The following CAMTA1 variants were observed in gnomAD, a reference collection of about 807,000 sequenced individuals.
The protein encoded by CAMTA1 is calmodulin binding transcription activator 1.
In CAMTA1, 27 loss-of-function variants were observed where a neutral mutation model predicts 170.9. That is an observed-to-expected ratio of 0.16 (90% CI 0.12 to 0.22). The LOEUF is 0.22. Ranked by LOEUF, CAMTA1 falls within the 10% of genes least tolerant of loss-of-function variation. The pLI, the probability that CAMTA1 is intolerant of heterozygous loss-of-function variation, is 1.00. For synonymous variants in CAMTA1, 833 were observed against 891.5 expected (o/e 0.93, Z 1.17); for missense variants, 1,619 against 2,217.2 (o/e 0.73, Z 5.42).
chr1:7,619,532 G>A (rs1041901249), intron 6 of CAMTA1, among the ~76,000 whole-genome samples: 1 of 152,170 alleles, frequency 6.6e-6, no homozygotes, highest in African/African-American at 2.4e-5. Flanking sequence ...CCAGAATTGG[G>A]TCACATACCC....
chr1:7,498,081 G>C (rs140342393), intron 6 of CAMTA1, among the ~76,000 whole-genome samples: 326 of 152,236 alleles, frequency 2.1e-3, no homozygotes, highest in Admixed American at 4.7e-3. Flanking sequence ...GAAGGGGTGC[G>C]GGGAGCATCC....
At chr1:7,567,089 G>A (rs920969039) in intron 6 of CAMTA1, among the ~76,000 whole-genome samples, 3 of 152,202 alleles carry the variant, frequency 2.0e-5, no homozygotes, top group Admixed American at 6.5e-5. Flanking sequence ...CCTTGGGGAC[G>A]GGGACCTCAA....
chr1:6,923,617 T>C (rs1039670882), intron 3 of CAMTA1, among the ~76,000 whole-genome samples: 1 of 152,076 alleles, frequency 6.6e-6, no homozygotes, highest in Non-Finnish European at 1.5e-5. Context: ...GCTTCTGGTA[T>C]GCAGGAAGAG....
At chr1:7,488,355 A>G (rs912292413) in intron 6 of CAMTA1, among the ~76,000 whole-genome samples, 2 of 151,898 alleles carry the variant, frequency 1.3e-5, no homozygotes, top group Admixed American at 1.3e-4. Flanking sequence ...GGTGTCTGGC[A>G]CCCCACTGGC....
chr1:7,521,697 C>T (rs1363019816), intron 6 of CAMTA1, among the ~76,000 whole-genome samples: 1 of 152,114 alleles, frequency 6.6e-6, no homozygotes, highest in East Asian at 1.9e-4. Flanking sequence ...TATAGGCACA[C>T]GCCACCATGC....
chr1:7,663,348 C>T lies in CAMTA1; in HGVS notation c.806-5C>T, dbSNP rs142077866. 339 of 1,523,422 alleles carry T rather than the reference C, an allele frequency of 2.2e-4. 1 individual carries two copies. In the East Asian group the frequency reaches 7.1e-3, roughly 32 times the overall value. The allele number at this position is 1,523,422 out of a possible 1,614,324, so 94.4% of individuals were successfully genotyped here. The stretch of plus-strand genomic sequence containing the variant: ...CGTGCGCGTGTTGTGTTCCGATCTC[C>T]GCAGGAGCTGGCGGCAGCGTGCATC... On this transcript the variant is annotated splice_region_variant and splice_polypyrimidine_tract_variant and intron_variant, in intron 8 of 22. Transcript: ENST00000303635.
intron 11 of CAMTA1, among the ~76,000 whole-genome samples, chr1:7,722,727 C>G (rs1237203450): frequency 6.6e-6 from 1 of 151,632 alleles, no homozygotes; most frequent in Non-Finnish European, 1.5e-5. Flanking sequence ...TTCAGCATTT[C>G]ATTTATCGGT....
intron 4 of CAMTA1, among the ~76,000 whole-genome samples, chr1:7,109,139 C>A (rs1295059451): frequency 6.6e-6 from 1 of 152,210 alleles, no homozygotes; most frequent in Non-Finnish European, 1.5e-5. Flanking sequence ...AAGCCAGAGT[C>A]TTTTTGAAAA....
chr1:7,043,805 G>A (rs1220543926), intron 3 of CAMTA1, among the ~76,000 whole-genome samples: 1 of 152,130 alleles, frequency 6.6e-6, no homozygotes, highest in African/African-American at 2.4e-5. Flanking sequence ...GCAAATACTC[G>A]GGCCCTCAGG....
At chr1:6,852,012 C>CA (rs71280861) in intron 3 of CAMTA1, among the ~76,000 whole-genome samples, 11,127 of 90,374 alleles carry the variant, frequency 0.12, 531 homozygotes, top group Middle Eastern at 0.21. Context: ...ACTCTATCTC[C>CA]AAAAAAAAAA....
At position 7,242,618 on chromosome 1, in the gene CAMTA1, A is replaced by G. The variant is rs539389289; in HGVS notation, c.303-6873A>G. On this transcript the variant is annotated intron_variant, in intron 4 of 22. Transcript: ENST00000303635. ...TTCCATGTGCCTTCTAGGTCCCCCA[A>G]TTTCACTTATGAAAAACTTGACCCC... is the stretch of plus-strand genomic sequence containing the variant. Among the ~76,000 whole-genome samples the G allele has an allele frequency of 3.5e-4, 53 of 152,118 alleles. 3 individuals are homozygous for G. In the South Asian group the frequency reaches 9.6e-3, roughly 27 times the overall value.
chr1:7,351,670 A>G (rs1410969317), intron 5 of CAMTA1, among the ~76,000 whole-genome samples: 1 of 152,174 alleles, frequency 6.6e-6, no homozygotes, highest in African/African-American at 2.4e-5. Flanking sequence ...TGTCGAGGGC[A>G]TCGTCCCCTC....
At chr1:7,033,971 C>T (rs551167299) in intron 3 of CAMTA1, among the ~76,000 whole-genome samples, 21 of 152,218 alleles carry the variant, frequency 1.4e-4, no homozygotes, top group African/African-American at 4.3e-4. Flanking sequence ...TTTCACATTT[C>T]GCTTTTATGC....
At chr1:7,292,593 C>A (rs1382865521) in intron 5 of CAMTA1, among the ~76,000 whole-genome samples, 1 of 152,192 alleles carries the variant, frequency 6.6e-6, no homozygotes, top group Non-Finnish European at 1.5e-5. Context: ...TCCCCACTCT[C>A]CGTACTCAGG....
chr1:7,751,429 A>C, intron 20 of CAMTA1, 37 bp downstream of exon 20: 10 of 1,515,932 alleles, frequency 6.6e-6, no homozygotes, highest in Non-Finnish European at 8.0e-6. Context: ...AAAGCTCCCT[A>C]GGGAAGAGAA....
chr1:7,226,768 ACTAT>A (rs60768345), intron 4 of CAMTA1, among the ~76,000 whole-genome samples: 5,187 of 152,256 alleles, frequency 0.034, 225 homozygotes, highest in African/African-American at 0.1. Context: ...TTTTCTAATA[ACTAT>A]CTACTATTCT....
chr1:7,751,372 G>T lies in CAMTA1; in HGVS notation c.4863G>T (p.Val1621=). ...GACGGCAGGCTCGCCGGACGGCTGT[G>T]ATTGTACAACAGAAACTCAGGTGGG... ...GKRRQARRTA[V]IVQQKLRSSL... The change falls in exon 20 of 23, where the codon GTG becomes GTT. Residue 1621 remains valine (V), a synonymous_variant. Coordinates refer to ENST00000303635, the MANE Select transcript of CAMTA1 (RefSeq NM_015215.4). 6.2e-7 allele frequency: 1 copy of T among 1,601,730 alleles called. No individual in the cohort carries two copies. The highest frequency in any genetic ancestry group is 2.2e-5 in the East Asian group (1 of 44,720).
At chr1:7,579,539 T>C (rs2095237741) in intron 6 of CAMTA1, among the ~76,000 whole-genome samples, 1 of 143,134 alleles carries the variant, frequency 7.0e-6, no homozygotes, top group South Asian at 2.1e-4. Context: ...TCCACTTTCT[T>C]TTCTTTTCTT....
At position 6,785,497 on chromosome 1, in the gene CAMTA1, C is replaced by G. The variant is rs1189225916; in HGVS notation, c.-34C>G. Reference sequence around the variant, plus strand: ...CCGGCGGCGGCGGCGGTACGAGGCGCGCGCTCGGGGTCCCGGTCGCGAGGA... The same window carrying G: ...CCGGCGGCGGCGGCGGTACGAGGCGGGCGCTCGGGGTCCCGGTCGCGAGGA... On this transcript the variant is annotated 5_prime_UTR_variant, in exon 1 of 23. Coordinates refer to ENST00000303635, the MANE Select transcript of CAMTA1 (RefSeq NM_015215.4). 2.9e-6 allele frequency: 3 copies of G among 1,024,164 alleles called. No individual in the cohort carries two copies. The highest frequency in any genetic ancestry group is 3.5e-6 in the Non-Finnish European group (3 of 850,098). The allele number at this position is 1,024,164 out of a possible 1,614,324, so 63.4% of individuals were successfully genotyped here. A position where few individuals can be genotyped will look rare whatever the true frequency, so the allele number is the denominator to read the frequency against.
Sources: allele counts gnomAD v4.1 joint callset (sites outside exome capture counted in the v4.1 genomes callset), GRCh38; gene constraint gnomAD v4.1.1; transcripts MANE v1.5; gene names NCBI Gene and HGNC (gene_info 2026-07-23, HGNC 2026-07-21).